SENP2: variants seen among roughly 807,000 people sequenced by gnomAD.
SENP2 encodes the protein SUMO specific peptidase 2, also known as sentrin-specific protease 2.
SENP2 carries 16 observed loss-of-function variants against 86.3 expected under a neutral mutation model. That is an observed-to-expected ratio of 0.19 (90% CI 0.13 to 0.28). The LOEUF (loss-of-function observed/expected upper bound fraction) is 0.28, where lower values mean the gene tolerates loss of function less well. Ranked by LOEUF, SENP2 falls within the 10% of genes least tolerant of loss-of-function variation. SENP2 has a pLI of 1.00. For synonymous variants in SENP2, 222 were observed against 238.7 expected (o/e 0.93, Z 0.64); for missense variants, 552 against 703.0 (o/e 0.79, Z 2.43).
intron 1 of SENP2, 52 bp from the exon 2 acceptor site, chr3:185,590,062 T>C: frequency 9.9e-7 from 1 of 1,008,638 alleles, no homozygotes; most frequent in African/African-American, 1.7e-5. Context: ...CTTACAGAAA[T>C]GAATGTGTGT....
intron 16 of SENP2, among the ~76,000 whole-genome samples, chr3:185,628,470 A>G (rs1003937199): frequency 3.3e-5 from 5 of 151,262 alleles, no homozygotes; most frequent in African/African-American, 1.2e-4. Flanking sequence ...ACATCCAACT[A>G]TTTATAATGA....
intron 11 of SENP2, among the ~76,000 whole-genome samples, 179 bp from the exon 12 acceptor site, chr3:185,617,301 A>G (rs748857784): frequency 5.3e-5 from 8 of 152,184 alleles, no homozygotes; most frequent in Non-Finnish European, 5.9e-5. Context: ...CCCCATCTCT[A>G]TCACTAAAAA....
At chr3:185,628,545 T>A (rs751824359) in intron 16 of SENP2, among the ~76,000 whole-genome samples, 7 of 152,200 alleles carry the variant, frequency 4.6e-5, no homozygotes, top group Non-Finnish European at 7.3e-5. Flanking sequence ...TCGTTCTTGT[T>A]GCCCAGGCTG....
Position 185,613,422 on chromosome 3 carries a change from C to T in SENP2, c.933+14C>T. ...GAAAATGAAAGTGTAAGTAAAAATC[C>T]TAGTTACATTTGATACCTGTTTACT... On this transcript the variant is annotated intron_variant, in intron 10 of 16. Transcript: ENST00000296257. 1 of 1,532,940 alleles carries T rather than the reference C, an allele frequency of 6.5e-7. No homozygotes were observed. Among genetic ancestry groups the T allele is most frequent in the Non-Finnish European group, 9.0e-7 (1 of 1,109,942 alleles). The allele number at this position is 1,532,940 out of a possible 1,614,324, so 95.0% of individuals were successfully genotyped here. A position where few individuals can be genotyped will look rare whatever the true frequency, so the allele number is the denominator to read the frequency against.
rs1711760436 is a variant in SENP2, at chr3:185,619,571, C to T, written c.1446+69C>T. ...GGCCATTTTTTAAAAATAATGCTGC[C>T]TTTTTCTGCCCTGTGTATAGAGGCC... is the stretch of plus-strand genomic sequence containing the variant. On this transcript the variant is annotated intron_variant, in intron 13 of 16. Coordinates refer to ENST00000296257, the MANE Select transcript of SENP2 (RefSeq NM_021627.3). 2.4e-6 allele frequency: 3 copies of T among 1,266,856 alleles called. No homozygotes were observed. The Admixed American group carries it at 5.6e-5, about 24-fold the overall frequency. The allele number at this position is 1,266,856 out of a possible 1,614,324, so 78.5% of individuals were successfully genotyped here.
intron 16 of SENP2, among the ~76,000 whole-genome samples, chr3:185,629,056 G>A (rs1407035906): frequency 3.9e-5 from 6 of 152,154 alleles, no homozygotes; most frequent in African/African-American, 7.2e-5. Context: ...AATGTACAAC[G>A]CCTGGTAGAG....
intron 10 of SENP2, 152 bp from the exon 11 acceptor site, chr3:185,614,412 G>C: frequency 1.3e-6 from 1 of 755,314 alleles, no homozygotes; most frequent in Non-Finnish European, 2.1e-6. Flanking sequence ...CCCCTTGCAG[G>C]GACAGACAGA....
At chr3:185,591,867 T>C (rs1347231489) in intron 2 of SENP2, among the ~76,000 whole-genome samples, 1 of 151,940 alleles carries the variant, frequency 6.6e-6, no homozygotes. Flanking sequence ...AAGTAGTTGG[T>C]TGGGCCTACA....
chr3:185,627,580 T>G (rs1021255507), intron 16 of SENP2, among the ~76,000 whole-genome samples: 1 of 152,244 alleles, frequency 6.6e-6, no homozygotes, highest in African/African-American at 2.4e-5. Flanking sequence ...GCCCAGCTAA[T>G]TTTTGTATTT....
At position 185,612,603 on chromosome 3, in the gene SENP2, A is replaced by G. The variant is rs183052599; in HGVS notation, c.818-4A>G. The G allele has an allele frequency of 4.5e-3, 7,204 of 1,600,656 alleles. 20 individuals are homozygous for G. The highest frequency in any genetic ancestry group is 5.6e-3 in the Non-Finnish European group (6,594 of 1,168,278). ...ATTTAATCTTTTCTTTACCATCCTC[A>G]CAGATAGACTTGTTGAAACAAGGGG... On this transcript the variant is annotated splice_region_variant and splice_polypyrimidine_tract_variant and intron_variant, in intron 8 of 16. Coordinates refer to ENST00000296257, the MANE Select transcript of SENP2 (RefSeq NM_021627.3).
chr3:185,611,793 T>C, intron 8 of SENP2, 48 bp downstream of exon 8: 1 of 1,286,216 alleles, frequency 7.8e-7, no homozygotes. Context: ...CCTTAGTTCA[T>C]GCTACAGTGT....
chr3:185,633,239 A>AAGAG lies in SENP2; in HGVS notation c.*3397_*3400dup, dbSNP rs1227351699. 5 of 152,210 alleles carry AAGAG rather than the reference A, an allele frequency of 3.3e-5. No homozygotes were observed. The highest frequency in any genetic ancestry group is 6.5e-5 in the Admixed American group (1 of 15,278). The allele number at this position is 152,210 out of a possible 1,614,324, so 9.4% of individuals were successfully genotyped here. On this transcript the variant is annotated 3_prime_UTR_variant, in exon 17 of 17. Transcript: ENST00000296257. ...GAACCTCAGATATGAATAAATAAGC[A>AAGAG]AGAGACCGAAAGTTAAGTGTGTGAC...
In SENP2 at chr3:185,632,495, A is replaced by C. The variant is rs1032164533; in HGVS notation, c.*2651A>C. 1.3e-5 allele frequency: 2 copies of C among 151,260 alleles called. No homozygotes were observed. Among genetic ancestry groups the C allele is most frequent in the African/African-American group, 4.9e-5 (2 of 40,910 alleles). The allele number at this position is 151,260 out of a possible 1,614,324, so 9.4% of individuals were successfully genotyped here. Reference sequence around the variant, plus strand: ...GGTGATCCACCCGCCTCGGCCTCCCAAAGTGCTGGTATTACAGTCATGAGC... The same window carrying C: ...GGTGATCCACCCGCCTCGGCCTCCCCAAGTGCTGGTATTACAGTCATGAGC... On this transcript the variant is annotated 3_prime_UTR_variant, in exon 17 of 17. Coordinates refer to ENST00000296257, the MANE Select transcript of SENP2 (RefSeq NM_021627.3).
At chr3:185,597,145 C>A (rs892893906) in intron 2 of SENP2, among the ~76,000 whole-genome samples, 1 of 152,046 alleles carries the variant, frequency 6.6e-6, no homozygotes, top group Non-Finnish European at 1.5e-5. Context: ...AGCAACCACG[C>A]CCAGCAAAAA....
chr3:185,619,350 T>C lies in SENP2; in HGVS notation c.1294T>C (p.Tyr432His), dbSNP rs768544726. 3 of 1,613,986 alleles carry C rather than the reference T, an allele frequency of 1.9e-6. No individual in the cohort carries two copies. Among genetic ancestry groups the C allele is most frequent in the Non-Finnish European group, 2.5e-6 (3 of 1,179,932 alleles). ...GGTGGAAAGAAATAAAAAGCAAGGC[T>C]ATCCAGCACTTCATGTATTCAGTAC... ...LLVERNKKQG[Y>H]PALHVFSTFF... is the part of the protein sequence containing the mutation. Residue 432 changes from tyrosine (Y) to histidine (H), a missense_variant, in exon 13 of 17, where the codon TAT (tyrosine) becomes CAT (histidine). By Grantham distance (83) the Tyr-to-His change is moderately conservative. Coordinates refer to ENST00000296257, the MANE Select transcript of SENP2 (RefSeq NM_021627.3).
At chr3:185,612,469 C>A in intron 8 of SENP2, 138 bp from the exon 9 acceptor site, 1 of 616,884 alleles carries the variant, frequency 1.6e-6, no homozygotes, top group Non-Finnish European at 2.9e-6. Flanking sequence ...TATAGGGAGG[C>A]TAGTGTCTTT....
rs1164009261 is a variant in SENP2 at position 185,632,427 on chromosome 3, G to C, written c.*2583G>C. ...TTTTTGTACTTTTAGTAGAGATGGG[G>C]TTTCGCCATGTTGGCCAGGCTGGTC... On this transcript the variant is annotated 3_prime_UTR_variant, in exon 17 of 17. Transcript: ENST00000296257. 6.6e-6 allele frequency: 1 copy of C among 151,464 alleles called. No individual in the cohort carries two copies. Among genetic ancestry groups the C allele is most frequent in the Non-Finnish European group, 1.5e-5 (1 of 68,046 alleles). The allele number at this position is 151,464 out of a possible 1,614,324, so 9.4% of individuals were successfully genotyped here.
At chr3:185,619,965 C>T (rs1711782162) in intron 13 of SENP2, among the ~76,000 whole-genome samples, 1 of 151,592 alleles carries the variant, frequency 6.6e-6, no homozygotes, top group African/African-American at 2.4e-5. Flanking sequence ...AACGCCTGGC[C>T]TCAAGTGGTT....
chr3:185,626,266 T>C, intron 15 of SENP2, 32 bp from the exon 16 acceptor site: 1 of 1,412,490 alleles, frequency 7.1e-7, no homozygotes. Context: ...TGTTTTACCC[T>C]TTCCTCTCTT....
Sources: gnomAD v4.1 joint callset for allele counts (sites outside exome capture counted in the v4.1 genomes callset) on GRCh38, gnomAD v4.1.1 for gene constraint, MANE v1.5 for transcripts, NCBI Gene and HGNC (gene_info 2026-07-23, HGNC 2026-07-21) for gene names.